TBL1XR1: variants seen among roughly 807,000 people sequenced by gnomAD.
TBL1XR1 encodes TBL1X/Y related 1.
A neutral mutation model predicts 66.9 loss-of-function variants in TBL1XR1; 5 were observed. That is an observed-to-expected ratio of 0.07 (90% CI 0.04 to 0.16). The LOEUF (loss-of-function observed/expected upper bound fraction) is 0.16. Ranked by LOEUF, TBL1XR1 falls within the 10% of genes least tolerant of loss-of-function variation. The probability of loss-of-function intolerance (pLI) is 1.00; values close to 1 mark genes in which losing one functional copy is unlikely to be tolerated. For synonymous variants in TBL1XR1, 210 were observed against 206.0 expected, an observed-to-expected ratio of 1.02 and a Z score of -0.17; for missense variants, 238 against 623.2, an observed-to-expected ratio of 0.38 and a Z score of 6.58.
chr3:177,193,623 T>C (rs1427372521), intron 1 of TBL1XR1, among the ~76,000 whole-genome samples: 1 of 152,210 alleles, frequency 6.6e-6, no homozygotes, highest in Admixed American at 6.5e-5. Context: ...TGCATCTTAT[T>C]AAATGGTGCT....
rs1712933047 is a variant in TBL1XR1 at position 177,025,164 on chromosome 3, TTAG to T, written c.*331_*333del. The T allele has an allele frequency of 3.8e-6, 1 of 262,848 alleles. No homozygotes were observed. The highest frequency in any genetic ancestry group is 2.2e-5 in the African/African-American group (1 of 45,192). 16.3% of individuals were successfully genotyped at this position (262,848 alleles called of 1,614,324 possible). ...CAAAGGGGAGAAACAAGGCTGTCAT[TTAG>T]TATCCAAAAACTGGTACATGTATGT... On this transcript the variant is annotated 3_prime_UTR_variant, in exon 16 of 16. Transcript: ENST00000457928.
chr3:177,047,711 T>A, intron 7 of TBL1XR1, 162 bp from the exon 8 acceptor site: 3 of 682,886 alleles, frequency 4.4e-6, no homozygotes, highest in Non-Finnish European at 7.5e-6. Context: ...TAAAGGCCTA[T>A]GAAACCCTTC....
chr3:177,133,876 CAAAAAAAAA>C (rs541940840), intron 1 of TBL1XR1, among the ~76,000 whole-genome samples: 5 of 105,758 alleles, frequency 4.7e-5, no homozygotes, highest in South Asian at 2.9e-4. Context: ...ACTCCTATCT[CAAAAAAAAA>C]AAAAAAAAAA....
At chr3:177,173,779 A>G (rs1240267547) in intron 1 of TBL1XR1, among the ~76,000 whole-genome samples, 1 of 152,216 alleles carries the variant, frequency 6.6e-6, no homozygotes, top group Non-Finnish European at 1.5e-5. Context: ...TGGTTAGGTA[A>G]GACTGTAATA....
intron 1 of TBL1XR1, among the ~76,000 whole-genome samples, chr3:177,190,593 C>G (rs1313928227): frequency 6.6e-6 from 1 of 152,166 alleles, no homozygotes; most frequent in East Asian, 1.9e-4. Context: ...GCAGAGATTA[C>G]AGGCGTGGGC....
In TBL1XR1 at chr3:177,106,448, T is replaced by C. The variant is rs190685145; in HGVS notation, c.-121-7907A>G. 5.3e-5 allele frequency among the ~76,000 whole-genome samples: 8 copies of C among 152,302 alleles called. No individual in the cohort carries two copies. In the East Asian group the frequency reaches 1.4e-3, roughly 26 times the overall value. On this transcript the variant is annotated intron_variant, in intron 1 of 15. Coordinates refer to ENST00000457928, the MANE Select transcript of TBL1XR1 (RefSeq NM_024665.7). ...TCAGCGCCAGCACTAGCTTCTGCAG[T>C]ACCTTTGTGCAAATTAGACTCTAGC... is the stretch of plus-strand genomic sequence containing the variant.
intron 1 of TBL1XR1, among the ~76,000 whole-genome samples, chr3:177,190,752 T>C (rs747601288): frequency 8.5e-5 from 13 of 152,236 alleles, no homozygotes; most frequent in Non-Finnish European, 1.9e-4. Context: ...AAAAAGAAGA[T>C]GCTGCCACAT....
intron 1 of TBL1XR1, among the ~76,000 whole-genome samples, chr3:177,101,908 T>C (rs1724268268): frequency 6.6e-6 from 1 of 152,174 alleles, no homozygotes; most frequent in South Asian, 2.1e-4. Flanking sequence ...GACTCTCTTA[T>C]ACTAGAACCA....
chr3:177,193,858 A>C (rs538608815), intron 1 of TBL1XR1, among the ~76,000 whole-genome samples: 2 of 152,218 alleles, frequency 1.3e-5, no homozygotes, highest in Non-Finnish European at 2.9e-5. Flanking sequence ...TTCATTTAAT[A>C]ATTTTGTGGC....
intron 1 of TBL1XR1, among the ~76,000 whole-genome samples, chr3:177,185,365 T>G (rs898608387): frequency 6.6e-6 from 1 of 152,186 alleles, no homozygotes; most frequent in African/African-American, 2.4e-5. Context: ...TTCCAGCACT[T>G]TGGGAGGCCG....
intron 1 of TBL1XR1, among the ~76,000 whole-genome samples, chr3:177,177,776 C>A (rs924270123): frequency 1.3e-5 from 2 of 152,102 alleles, no homozygotes; most frequent in African/African-American, 4.8e-5. Context: ...CTATTTATTA[C>A]GAACCTGCTA....
intron 1 of TBL1XR1, among the ~76,000 whole-genome samples, chr3:177,137,105 G>A (rs1023681523): frequency 6.6e-6 from 1 of 152,000 alleles, no homozygotes; most frequent in African/African-American, 2.4e-5. Context: ...AAGCATTATG[G>A]CATACATTAA....
At chr3:177,120,817 TA>T (rs1726897747) in intron 1 of TBL1XR1, 1 of 152,280 alleles carries the variant, frequency 6.6e-6, no homozygotes, top group South Asian at 2.1e-4. Flanking sequence ...TACAGTATTT[TA>T]ATCACTATCA....
chr3:177,056,587 T>C (rs577440640), intron 3 of TBL1XR1, among the ~76,000 whole-genome samples: 39 of 152,348 alleles, frequency 2.6e-4, no homozygotes, highest in African/African-American at 9.4e-4. Flanking sequence ...AAATGTTGAA[T>C]TCAACTAGAA....
At chr3:177,090,843 C>T (rs1469929224) in intron 2 of TBL1XR1, among the ~76,000 whole-genome samples, 3 of 151,868 alleles carry the variant, frequency 2.0e-5, no homozygotes, top group East Asian at 3.9e-4. Flanking sequence ...AAACAATTAG[C>T]CAGGCATGGT....
intron 2 of TBL1XR1, among the ~76,000 whole-genome samples, chr3:177,068,314 T>G (rs1719427459): frequency 6.6e-6 from 1 of 152,210 alleles, no homozygotes. Context: ...TTATTTAAAA[T>G]TCCAATCACT....
chr3:177,036,840 A>T (rs907216301), intron 12 of TBL1XR1, among the ~76,000 whole-genome samples: 1 of 152,258 alleles, frequency 6.6e-6, no homozygotes, highest in African/African-American at 2.4e-5. Flanking sequence ...TGTAACGGTC[A>T]TCACATCTGC....
chr3:177,064,066 C>T (rs1718849236), intron 3 of TBL1XR1, among the ~76,000 whole-genome samples: 1 of 152,150 alleles, frequency 6.6e-6, no homozygotes, highest in Admixed American at 6.5e-5. Context: ...AAGCTTAGAC[C>T]TCTACTTTAT....
At chr3:177,052,581 T>C (rs1242579733) in intron 4 of TBL1XR1, among the ~76,000 whole-genome samples, 1 of 152,222 alleles carries the variant, frequency 6.6e-6, no homozygotes, top group Non-Finnish European at 1.5e-5. Flanking sequence ...AAGCGCCATG[T>C]CAAATTTACA....
Sources: allele counts gnomAD v4.1 joint callset (sites outside exome capture counted in the v4.1 genomes callset), GRCh38; gene constraint gnomAD v4.1.1; transcripts MANE v1.5; gene names NCBI Gene and HGNC (gene_info 2026-07-23, HGNC 2026-07-21).